PCDH15: variants seen among roughly 807,000 people sequenced by gnomAD.
PCDH15 encodes the protein protocadherin-15.
PCDH15 carries 129 observed loss-of-function variants against 178.5 expected under a neutral mutation model. The observed-to-expected ratio is 0.72, with a 90% CI of 0.63 to 0.84. The LOEUF is 0.84. PCDH15 is among the 40% of genes least tolerant of loss of function. The pLI, the probability that PCDH15 is intolerant of heterozygous loss-of-function variation, is 0.00. For synonymous variants in PCDH15, 800 were observed against 732.0 expected (o/e 1.09, Z -1.50); for missense variants, 2,230 against 2,099.9 (o/e 1.06, Z -1.21).
chr10:54,123,739 A>G (rs2041754519), intron 15 of PCDH15, among the ~76,000 whole-genome samples: 1 of 152,182 alleles, frequency 6.6e-6, no homozygotes, highest in African/African-American at 2.4e-5. Context: ...GATAGCAAGG[A>G]CATGGAATCA....
At chr10:54,838,549 A>C (rs2133758576) in intron 3 of PCDH15, among the ~76,000 whole-genome samples, 1 of 152,298 alleles carries the variant, frequency 6.6e-6, no homozygotes, top group East Asian at 1.9e-4. Flanking sequence ...TCTTCATAGC[A>C]GTATGAGAAC....
chr10:53,846,350 A>ATGTCACC (rs995829899), intron 28 of PCDH15, among the ~76,000 whole-genome samples: 40 of 152,038 alleles, frequency 2.6e-4, no homozygotes, highest in African/African-American at 9.4e-4. Context: ...CTATTTAATT[A>ATGTCACC]TGTCACCTTT....
At chr10:55,557,594 C>T (rs1203168523) in intron 2 of PCDH15, among the ~76,000 whole-genome samples, 1 of 151,990 alleles carries the variant, frequency 6.6e-6, no homozygotes, top group African/African-American at 2.4e-5. Context: ...TCATCTCAGG[C>T]TTTCATTCAT....
intron 2 of PCDH15, among the ~76,000 whole-genome samples, chr10:55,005,368 G>A (rs917016611): frequency 6.6e-6 from 1 of 151,934 alleles, no homozygotes. Flanking sequence ...CATGTTCCAA[G>A]ATAAATTATT....
At chr10:54,592,939 AATCTTTC>A (rs1286405570) in intron 2 of PCDH15, among the ~76,000 whole-genome samples, 40 of 152,274 alleles carry the variant, frequency 2.6e-4, no homozygotes, top group Admixed American at 1.8e-3. Context: ...TAATGTCATT[AATCTTTC>A]ATCTTTCATC....
rs200033796 is a variant in PCDH15, at chr10:54,766,938, A to AAAC, written c.-29+33986_-29+33987insGTT. On this transcript the variant is annotated intron_variant, in intron 1 of 37. Transcript: ENST00000644397. ...GAGCGAGACTCCATCTCAAAAAAAC[A>AAAC]AAAAAAAAAATCTATCCACTATACA... 3.6e-3 allele frequency among the ~76,000 whole-genome samples: 354 copies of AAAC among 99,640 alleles called. 8 individuals are homozygous for AAAC. In the East Asian group the frequency reaches 0.056, roughly 16 times the overall value. The allele number at this position is 99,640 out of a possible 152,430, so 65.4% of individuals were successfully genotyped here. A position where few individuals can be genotyped will look rare whatever the true frequency, so the allele number is the denominator to read the frequency against.
At chr10:55,623,960 T>C (rs1156641092) in intron 2 of PCDH15, among the ~76,000 whole-genome samples, 1 of 152,056 alleles carries the variant, frequency 6.6e-6, no homozygotes, top group Non-Finnish European at 1.5e-5. Context: ...TCTCACCCTA[T>C]GGGGAAAGGG....
chr10:54,250,505 G>C (rs926454822), intron 8 of PCDH15, among the ~76,000 whole-genome samples: 1 of 150,906 alleles, frequency 6.6e-6, no homozygotes, highest in African/African-American at 2.4e-5. Flanking sequence ...GGATGGTCTC[G>C]ATCTCCTGAC....
In PCDH15 at chr10:53,821,098, G is replaced by A. The variant is rs2076245821; in HGVS notation, c.4368-868C>T. The A allele has an allele frequency of 3.1e-6, 3 of 978,870 alleles. No individual in the cohort carries two copies. In the African/African-American group the frequency reaches 5.2e-5, roughly 17 times the overall value. 60.6% of individuals were successfully genotyped at this position (978,870 alleles called of 1,614,324 possible). On this transcript the variant is annotated intron_variant, in intron 32 of 37. Coordinates refer to ENST00000644397, the MANE Select transcript of PCDH15 (RefSeq NM_001384140.1). ...TGGAACAATGAAATGCCTTACAAAA[G>A]TCAACGACTCAAGATTTATTTTCAT... is the stretch of plus-strand genomic sequence containing the variant.
At chr10:54,668,339 C>T (rs2094604528) in intron 1 of PCDH15, among the ~76,000 whole-genome samples, 2 of 152,120 alleles carry the variant, frequency 1.3e-5, no homozygotes, top group South Asian at 4.1e-4. Flanking sequence ...CATTTCAAAA[C>T]TGTATATTGT....
chr10:55,068,906 T>A (rs1347692477), intron 2 of PCDH15, among the ~76,000 whole-genome samples: 4 of 151,952 alleles, frequency 2.6e-5, no homozygotes, highest in Non-Finnish European at 5.9e-5. Context: ...TTTTGGTTAT[T>A]ATTATTTTTG....
intron 9 of PCDH15, among the ~76,000 whole-genome samples, chr10:54,224,756 A>T (rs947814165): frequency 1.3e-5 from 2 of 152,042 alleles, no homozygotes; most frequent in Non-Finnish European, 2.9e-5. Flanking sequence ...TTCTTCCATT[A>T]ATTTTAACTT....
At chr10:55,032,827 C>G (rs1304681354) in intron 2 of PCDH15, among the ~76,000 whole-genome samples, 2 of 152,084 alleles carry the variant, frequency 1.3e-5, no homozygotes, top group Non-Finnish European at 2.9e-5. Flanking sequence ...GGTGGCAGAA[C>G]AGTTTCAAGT....
At chr10:54,537,932 C>T (rs1022867484) in intron 2 of PCDH15, among the ~76,000 whole-genome samples, 1 of 152,026 alleles carries the variant, frequency 6.6e-6, no homozygotes, top group South Asian at 2.1e-4. Context: ...GAAGTCTGTT[C>T]ATGTCTTTTG....
At position 53,825,014 on chromosome 10, in the gene PCDH15, C is replaced by CAGTA. The variant is rs528781587; in HGVS notation, c.4367+2375_4367+2378dup. 11 of 1,228,290 alleles carry CAGTA rather than the reference C, an allele frequency of 9.0e-6. No individual in the cohort carries two copies. In the African/African-American group the frequency reaches 9.4e-5, roughly 11 times the overall value. The allele number at this position is 1,228,290 out of a possible 1,614,324, so 76.1% of individuals were successfully genotyped here. A position where few individuals can be genotyped will look rare whatever the true frequency, so the allele number is the denominator to read the frequency against. On this transcript the variant is annotated intron_variant, in intron 32 of 37. Transcript: ENST00000644397. Reference sequence around the variant, plus strand: ...GTGGAAGACAAAACTTTCCTTTTAACAGTAAGTGAGTCTGTGGCAAAAGAT... The same window carrying CAGTA: ...GTGGAAGACAAAACTTTCCTTTTAACAGTAAGTAAGTGAGTCTGTGGCAAAAGAT...
At chr10:55,312,602 G>T (rs1843613473) in intron 1 of PCDH15, among the ~76,000 whole-genome samples, 2 of 151,374 alleles carry the variant, frequency 1.3e-5, no homozygotes, top group Non-Finnish European at 2.9e-5. Context: ...CATAGATGTT[G>T]ACTGCTCTAA....
intron 2 of PCDH15, among the ~76,000 whole-genome samples, chr10:55,620,720 AT>A (rs1843574890): frequency 6.6e-6 from 1 of 151,708 alleles, no homozygotes. Context: ...TTTCAAGTAT[AT>A]TGCAAAGCCA....
chr10:54,181,914 T>C (rs1021834693), intron 13 of PCDH15, among the ~76,000 whole-genome samples: 2 of 152,130 alleles, frequency 1.3e-5, no homozygotes, highest in African/African-American at 2.4e-5. Flanking sequence ...AATAATAGCA[T>C]TGAATGATTT....
At chr10:54,715,956 T>C (rs1218785660) in intron 1 of PCDH15, among the ~76,000 whole-genome samples, 4 of 152,132 alleles carry the variant, frequency 2.6e-5, no homozygotes, top group African/African-American at 7.2e-5. Flanking sequence ...TGCCCAGACA[T>C]ATCTCTGGAA....
Sources: gnomAD v4.1 joint callset for allele counts (sites outside exome capture counted in the v4.1 genomes callset) on GRCh38, gnomAD v4.1.1 for gene constraint, MANE v1.5 for transcripts, NCBI Gene and HGNC (gene_info 2026-07-23, HGNC 2026-07-21) for gene names.